Variants in TACC2 observed in about 807,000 individuals in gnomAD.
TACC2 encodes the protein transforming acidic coiled-coil-containing protein 2.
TACC2 carries 137 observed loss-of-function variants against 227.3 expected under a neutral mutation model. That is an observed-to-expected ratio of 0.60 (90% CI 0.52 to 0.69). The LOEUF (loss-of-function observed/expected upper bound fraction) is 0.69, where lower values mean the gene tolerates loss of function less well. Ranked by LOEUF, TACC2 falls within the 30% of genes least tolerant of loss-of-function variation. The pLI is 0.00. For missense variants in TACC2, 3,470 were observed against 3,694.4 expected, an observed-to-expected ratio of 0.94 and a Z score of 1.57; for synonymous variants, 1,523 against 1,487.5, an observed-to-expected ratio of 1.02 and a Z score of -0.55.
intron 2 of TACC2, among the ~76,000 whole-genome samples, chr10:122,039,864 C>T (rs1364026216): frequency 1.3e-5 from 2 of 152,142 alleles, no homozygotes; most frequent in African/African-American, 4.8e-5. Context: ...GTTCTGTTCT[C>T]TGTTCCTGAG....
intron 6 of TACC2, among the ~76,000 whole-genome samples, chr10:122,134,043 G>C (rs1026308036): frequency 1.3e-5 from 2 of 152,304 alleles, no homozygotes; most frequent in East Asian, 1.9e-4. Flanking sequence ...GGTACCTGGT[G>C]GGGGAGAAAG....
intron 2 of TACC2, among the ~76,000 whole-genome samples, chr10:122,044,794 C>G: frequency 6.6e-6 from 1 of 151,722 alleles, no homozygotes; most frequent in African/African-American, 2.4e-5. Flanking sequence ...ACTCCAGGCT[C>G]TGGAGTGTTC....
At chr10:122,196,933 CAAAAAAAA>C (rs58473562) in intron 8 of TACC2, among the ~76,000 whole-genome samples, 1 of 78,240 alleles carries the variant, frequency 1.3e-5, no homozygotes, top group Non-Finnish European at 2.4e-5. Context: ...GAGTCCGTCT[CAAAAAAAA>C]AAAAAAAAAA....
At chr10:122,029,297 A>G (rs1428725424) in intron 2 of TACC2, among the ~76,000 whole-genome samples, 1 of 151,866 alleles carries the variant, frequency 6.6e-6, no homozygotes, top group Non-Finnish European at 1.5e-5. Context: ...TAATTGTATG[A>G]TCTTTCTTCT....
chr10:122,081,527 CAAAAA>C (rs374512156), intron 3 of TACC2, among the ~76,000 whole-genome samples: 1 of 109,552 alleles, frequency 9.1e-6, no homozygotes. Flanking sequence ...GACTCCGTCT[CAAAAA>C]AAAAAAAAAA....
chr10:122,203,116 T>G (rs1461115555), intron 8 of TACC2, among the ~76,000 whole-genome samples: 1 of 152,178 alleles, frequency 6.6e-6, no homozygotes, highest in Non-Finnish European at 1.5e-5. Flanking sequence ...ACCTTTCCCC[T>G]CTTTCTATTC....
Position 122,086,542 on chromosome 10 carries a change from G to T in TACC2, c.4042G>T (p.Ala1348Ser). Residue 1348 changes from alanine to serine, a missense_variant, in exon 4 of 23, where the codon GCA (alanine) becomes TCA (serine). By Grantham distance (99) the Ala-to-Ser change is moderately conservative. Around this residue, in one of 10 missense-constraint regions of TACC2, gnomAD observed 1,924 missense variants for 1,978.3 expected, o/e 0.97. Transcript: ENST00000369005. ...GKQATGEEKA[A>S]TAPGAGAKAS... ...GCAGGCAACAGGGGAAGAGAAAGCA[G>T]CAACAGCTCCAGGTGCAGGTGCCAA... 8 of 1,608,646 alleles carry T rather than the reference G, an allele frequency of 5.0e-6. No individual in the cohort carries two copies. The highest frequency in any genetic ancestry group is 5.9e-6 in the Non-Finnish European group (7 of 1,177,188).
chr10:122,147,166 ACAGAGTCT>A (rs1469276807), intron 7 of TACC2, among the ~76,000 whole-genome samples: 2 of 150,588 alleles, frequency 1.3e-5, no homozygotes, highest in African/African-American at 4.9e-5. Context: ...TTTTTTTGAG[ACAGAGTCT>A]CACTCTGTCA....
At chr10:122,015,375 C>T (rs1297931248) in intron 1 of TACC2, among the ~76,000 whole-genome samples, 3 of 151,592 alleles carry the variant, frequency 2.0e-5, no homozygotes, top group East Asian at 1.9e-4. Context: ...AGTGGTGGCA[C>T]GCACCTGTAG....
At chr10:122,033,060 C>A (rs1357784741) in intron 2 of TACC2, 2 of 1,272,246 alleles carry the variant, frequency 1.6e-6, no homozygotes, top group South Asian at 2.5e-5. Flanking sequence ...TTCCCTGCGA[C>A]CTGTCCTAAC....
chr10:122,204,375 G>A (rs2095032306), intron 8 of TACC2, among the ~76,000 whole-genome samples: 1 of 152,216 alleles, frequency 6.6e-6, no homozygotes, highest in Non-Finnish European at 1.5e-5. Flanking sequence ...TCAGTAACCG[G>A]CTGAGCCCTT....
rs564397839 is a variant in TACC2, at chr10:122,227,866, T to C, written c.7754T>C (p.Val2585Ala). 6.2e-7 allele frequency: 1 copy of C among 1,614,204 alleles called. No individual in the cohort carries two copies. The highest frequency in any genetic ancestry group is 1.3e-5 in the African/African-American group (1 of 75,072). ...GSSFEETEAL[V>A]NTAAKNQHPV... is the part of the protein sequence containing the mutation. Reference sequence around the variant, plus strand: ...AGTTTTGAAGAGACTGAAGCCCTTGTGAACACTGCTGCGAAAAACCAGCAT... The same window carrying C: ...AGTTTTGAAGAGACTGAAGCCCTTGCGAACACTGCTGCGAAAAACCAGCAT... The change falls in exon 14 of 23, where the codon GTG becomes GCG. Residue 2585 changes from valine (V) to alanine (A), a missense_variant. Physicochemically the swap from Val to Ala is moderately conservative, Grantham distance 64 (BLOSUM62 0). Coordinates refer to ENST00000369005, the MANE Select transcript of TACC2 (RefSeq NM_206862.4).
chr10:122,230,590 A>G lies in TACC2; in HGVS notation c.8127+150A>G, dbSNP rs1475922502. On this transcript the variant is annotated intron_variant, in intron 16 of 22. Transcript: ENST00000369005. ...AAAAAGCTGAAAGCGTCACTCTTGCATAAATACACACTGAGCACATAGCTA... is the reference window on the plus strand; with the variant it reads ...AAAAAGCTGAAAGCGTCACTCTTGCGTAAATACACACTGAGCACATAGCTA... The G allele has an allele frequency of 1.6e-5, 11 of 679,162 alleles. No individual in the cohort carries two copies. In the Admixed American group the frequency reaches 2.2e-4, roughly 13 times the overall value. The allele number at this position is 679,162 out of a possible 1,614,324, so 42.1% of individuals were successfully genotyped here. A position where few individuals can be genotyped will look rare whatever the true frequency, so the allele number is the denominator to read the frequency against.
intron 7 of TACC2, among the ~76,000 whole-genome samples, chr10:122,152,037 G>A (rs770235706): frequency 6.6e-6 from 1 of 152,202 alleles, no homozygotes; most frequent in Non-Finnish European, 1.5e-5. Context: ...ACTGCCCAAG[G>A]CTGGGGCCCA....
rs201817951 is a variant in TACC2, at chr10:122,215,490, C to A, written c.7344+39C>A. ...TTGATCTTGATGGTTTTATGCCCCC[C>A]CCGGGGGAGGTTTTCTTCGCTTGTT... On this transcript the variant is annotated intron_variant, in intron 10 of 22. Coordinates refer to ENST00000369005, the MANE Select transcript of TACC2 (RefSeq NM_206862.4). 64 of 1,570,380 alleles carry A rather than the reference C, an allele frequency of 4.1e-5. No individual in the cohort carries two copies. The Admixed American group carries it at 4.2e-4, about 10-fold the overall frequency.
At chr10:122,113,226 CCGGGCGGGTAAGTGCCGGGGCCA>C (rs2083963930) in intron 5 of TACC2, 1 of 152,278 alleles carries the variant, frequency 6.6e-6, no homozygotes, top group African/African-American at 2.4e-5. Flanking sequence ...CCCTATCTCC[CCGGGCGGGTAAGTGCCGGGGCCA>C]CGGGCGGGCG....
In TACC2 at chr10:122,237,407, C is replaced by T; in HGVS notation, c.8140C>T (p.His2714Tyr). ...AACGATTCCACAGAGAGAGGCTGCT[C>T]ACCCAACAGACGTCTCCATCTCCAA... ...SHQDAKREAA[H>Y]PTDVSISKTA... is the part of the protein sequence containing the mutation. The change falls in exon 17 of 23, where the codon CAC becomes TAC. Residue 2714 changes from histidine to tyrosine, a missense_variant. By Grantham distance (83) the His-to-Tyr change is moderately conservative. Transcript: ENST00000369005. The T allele has an allele frequency of 6.2e-7, 1 of 1,610,948 alleles. No homozygotes were observed. Among genetic ancestry groups the T allele is most frequent in the Non-Finnish European group, 8.5e-7 (1 of 1,178,472 alleles).
At chr10:122,250,596 G>A (rs2096235092) in intron 22 of TACC2, among the ~76,000 whole-genome samples, 2 of 152,184 alleles carry the variant, frequency 1.3e-5, no homozygotes, top group South Asian at 2.1e-4. Context: ...TTTGGGCCAA[G>A]CAGTGGTGAT....
At chr10:121,999,186 T>G (rs1953961558) in intron 1 of TACC2, among the ~76,000 whole-genome samples, 1 of 152,068 alleles carries the variant, frequency 6.6e-6, no homozygotes, top group Admixed American at 6.6e-5. Flanking sequence ...TTTTTTGTAT[T>G]TTAGTAGAGA....
Sources: allele counts gnomAD v4.1 joint callset (sites outside exome capture counted in the v4.1 genomes callset), GRCh38; gene constraint gnomAD v4.1.1; regional missense constraint gnomAD v4.1.1; transcripts MANE v1.5; gene names NCBI Gene and HGNC (gene_info 2026-07-23, HGNC 2026-07-21).